EPOR: variants seen among roughly 807,000 people sequenced by gnomAD.
EPOR encodes erythropoietin receptor.
Under a neutral mutation model 34.3 loss-of-function variants are expected in EPOR, and 20 were observed. The ratio of observed to expected loss-of-function variants is 0.58; its 90% CI spans 0.41 to 0.85. The LOEUF (loss-of-function observed/expected upper bound fraction) is 0.85, where lower values mean the gene tolerates loss of function less well. Ranked by LOEUF, EPOR falls within the 40% of genes least tolerant of loss-of-function variation. The probability of loss-of-function intolerance (pLI) is 0.00; values close to 1 mark genes in which losing one functional copy is unlikely to be tolerated. For missense variants in EPOR, 601 were observed against 672.7 expected, an observed-to-expected ratio of 0.89 and a Z score of 1.18; for synonymous variants, 312 against 299.0, an observed-to-expected ratio of 1.04 and a Z score of -0.45.
chr19:11,381,968 G>A lies in EPOR; in HGVS notation c.389C>T (p.Ala130Val). Residue 130 changes from alanine to valine, a missense_variant, in exon 3 of 8, where the codon GCT (alanine) becomes GTT (valine). By Grantham distance (64) the Ala-to-Val change is moderately conservative (BLOSUM62 0). Coordinates refer to ENST00000222139, the MANE Select transcript of EPOR (RefSeq NM_000121.4). The surrounding 1 kb of genome is among the most constrained non-coding windows in gnomAD (Gnocchi z 5.3). ...GTGGATGACACGGTGATATCGCGGA[G>A]CGCCGGAGGCTGCTGTGACGCGCAA... ...LELRVTAASGAPRYHRVIHIN... is the reference protein window; with the variant it reads ...LELRVTAASGVPRYHRVIHIN... 1 of 1,614,230 alleles carries A rather than the reference G, an allele frequency of 6.2e-7. No homozygotes were observed. The highest frequency in any genetic ancestry group is 8.5e-7 in the Non-Finnish European group (1 of 1,180,034).
Position 11,377,955 on chromosome 19 carries a change from G to A in EPOR, c.*29C>T, listed in dbSNP as rs367583626. ...CTGCACTGGTTCTCTGAGTCATATT[G>A]GATCCCTGATCATCTGCAGCCTGGT... is the stretch of plus-strand genomic sequence containing the variant. On this transcript the variant is annotated 3_prime_UTR_variant, in exon 8 of 8. Coordinates refer to ENST00000222139, the MANE Select transcript of EPOR (RefSeq NM_000121.4). 1 of 1,613,300 alleles carries A rather than the reference G, an allele frequency of 6.2e-7. No individual in the cohort carries two copies. Among genetic ancestry groups the A allele is most frequent in the Non-Finnish European group, 8.5e-7 (1 of 1,179,886 alleles).
rs772172210 is a variant in EPOR at position 11,377,377 on chromosome 19, A to G, written c.*607T>C. 2.2e-6 allele frequency: 1 copy of G among 454,000 alleles called. No homozygotes were observed. The allele number at this position is 454,000 out of a possible 1,614,324, so 28.1% of individuals were successfully genotyped here. ...GGTGTGAGAAGAAGAGAGGAAGCCC[A>G]TTTCCAGGCCAGATCCCTCAAATGG... On this transcript the variant is annotated 3_prime_UTR_variant, in exon 8 of 8. Coordinates refer to ENST00000222139, the MANE Select transcript of EPOR (RefSeq NM_000121.4).
In EPOR at chr19:11,381,229, G is replaced by C. The variant is rs555443205; in HGVS notation, c.586-20C>G. The C allele has an allele frequency of 1.5e-4, 235 of 1,548,822 alleles. 2 individuals carry two copies. In the South Asian group the frequency reaches 2.5e-3, roughly 16 times the overall value. On this transcript the variant is annotated intron_variant, in intron 4 of 7. Transcript: ENST00000222139. This position sits in a 1 kb window ranked among gnomAD's most constrained non-coding sequence, Gnocchi z 5.3. ...CTCCACCTGGGGGCGGAATCAGGGC[G>C]AGGGACGCGTAGCAGACAAAAATAG...
Position 11,384,134 on chromosome 19 carries a change from G to T in EPOR, c.74C>A (p.Ala25Glu). Residue 25 changes from alanine (A) to glutamate (E), a missense_variant, in exon 1 of 8, where the codon GCG (alanine) becomes GAG (glutamate). Physicochemically the swap from Ala to Glu is moderately radical, Grantham distance 107. Transcript: ENST00000222139. ...LCLLLAGAAW[A>E]PPPNLPDPKF... ...GGGGTCCGGGAGGTTAGGCGGGGGCGCCCAGGCGGCCCCAGCGAGCAGGAG... is the reference window on the plus strand; with the variant it reads ...GGGGTCCGGGAGGTTAGGCGGGGGCTCCCAGGCGGCCCCAGCGAGCAGGAG... 6.5e-7 allele frequency: 1 copy of T among 1,549,882 alleles called. No individual in the cohort carries two copies. Among genetic ancestry groups the T allele is most frequent in the East Asian group, 2.4e-5 (1 of 40,910 alleles).
chr19:11,384,197 A>C lies in EPOR; in HGVS notation c.11T>G (p.Leu4Arg). 6.5e-7 allele frequency: 1 copy of C among 1,544,740 alleles called. No individual in the cohort carries two copies. The highest frequency in any genetic ancestry group is 8.7e-7 in the Non-Finnish European group (1 of 1,145,390). The change falls in exon 1 of 8, where the codon CTC (leucine) becomes CGC (arginine). Residue 4 changes from leucine (L) to arginine (R), a missense_variant. Physicochemically the swap from Leu to Arg is moderately radical, Grantham distance 102. Coordinates refer to ENST00000222139, the MANE Select transcript of EPOR (RefSeq NM_000121.4). ...GACCTGGGGCCAGAGGGACGCCCCG[A>C]GGTGGTCCATGATACAGCCCCCGCC... is the stretch of plus-strand genomic sequence containing the variant. The part of the protein sequence containing the change: MDH[L>R]GASLWPQVGS...
In EPOR at chr19:11,381,856, G is replaced by A. The variant is rs1401366335; in HGVS notation, c.428-7C>T. On this transcript the variant is annotated splice_region_variant and splice_polypyrimidine_tract_variant and intron_variant, in intron 3 of 7. Coordinates refer to ENST00000222139, the MANE Select transcript of EPOR (RefSeq NM_000121.4). This position sits in a 1 kb window ranked among gnomAD's most constrained non-coding sequence, Gnocchi z 5.3. ...ACGGGGGCGTCTAGGAGCACTGCAG[G>A]CATGGGGGTTGGTCAGGTGGGCGAG... is the stretch of plus-strand genomic sequence containing the variant. The A allele has an allele frequency of 1.9e-6, 3 of 1,614,042 alleles. No individual in the cohort carries two copies. Among genetic ancestry groups the A allele is most frequent in the Non-Finnish European group, 2.5e-6 (3 of 1,179,996 alleles).
rs1456110150 is a variant in EPOR at position 11,384,257 on chromosome 19, C to A, written c.-50G>T. On this transcript the variant is annotated 5_prime_UTR_variant, in exon 1 of 8. Coordinates refer to ENST00000222139, the MANE Select transcript of EPOR (RefSeq NM_000121.4). ...CCAGGGCTCCTGCCCCTCCGTCCCC[C>A]GCCCCCGGCACAGTCCACAGCTGGG... is the stretch of plus-strand genomic sequence containing the variant. The A allele has an allele frequency of 3.2e-6, 4 of 1,265,192 alleles. No homozygotes were observed. The highest frequency in any genetic ancestry group is 4.4e-6 in the Non-Finnish European group (4 of 899,026). 78.4% of individuals were successfully genotyped at this position (1,265,192 alleles called of 1,614,324 possible).
In EPOR at chr19:11,384,253, C is replaced by T; in HGVS notation, c.-46G>A. ...GAGCCCAGGGCTCCTGCCCCTCCGT[C>T]CCCCGCCCCCGGCACAGTCCACAGC... On this transcript the variant is annotated 5_prime_UTR_variant, in exon 1 of 8. Transcript: ENST00000222139. 2 of 1,280,380 alleles carry T rather than the reference C, an allele frequency of 1.6e-6. No homozygotes were observed. The highest frequency in any genetic ancestry group is 2.5e-5 in the South Asian group (2 of 78,610). The allele number at this position is 1,280,380 out of a possible 1,614,324, so 79.3% of individuals were successfully genotyped here. A position where few individuals can be genotyped will look rare whatever the true frequency, so the allele number is the denominator to read the frequency against.
Position 11,381,584 on chromosome 19 carries a change from G to A in EPOR, c.585+108C>T, listed in dbSNP as rs1968359300. On this transcript the variant is annotated intron_variant, in intron 4 of 7. Coordinates refer to ENST00000222139, the MANE Select transcript of EPOR (RefSeq NM_000121.4). This position sits in a 1 kb window ranked among gnomAD's most constrained non-coding sequence, Gnocchi z 5.3. ...TTCAGCACCAGGGTAATGGGATGTG[G>A]GATGTTACGGACCGGCCCTGAAAGC... 8.7e-7 allele frequency: 1 copy of A among 1,143,374 alleles called. No homozygotes were observed. The allele number at this position is 1,143,374 out of a possible 1,614,324, so 70.8% of individuals were successfully genotyped here. A position where few individuals can be genotyped will look rare whatever the true frequency, so the allele number is the denominator to read the frequency against.
Position 11,384,219 on chromosome 19 carries a change from C to T in EPOR, c.-12G>A, listed in dbSNP as rs1332089837. On this transcript the variant is annotated 5_prime_UTR_variant, in exon 1 of 8. Transcript: ENST00000222139. ...CCGAGGTGGTCCATGATACAGCCCCCGCCACGGGGAGCCCAGGGCTCCTGC... is the reference window on the plus strand; with the variant it reads ...CCGAGGTGGTCCATGATACAGCCCCTGCCACGGGGAGCCCAGGGCTCCTGC... The T allele has an allele frequency of 2.6e-6, 4 of 1,515,242 alleles. No homozygotes were observed. In the African/African-American group the frequency reaches 5.5e-5, roughly 21 times the overall value. The allele number at this position is 1,515,242 out of a possible 1,614,324, so 93.9% of individuals were successfully genotyped here.
rs772835927 is a variant in EPOR at position 11,381,137 on chromosome 19, C to G, written c.658G>C (p.Val220Leu). The change falls in exon 5 of 8, where the codon GTC becomes CTC. Residue 220 changes from valine (V) to leucine (L), a missense_variant. Physicochemically the swap from Val to Leu is conservative, Grantham distance 32. Transcript: ENST00000222139. This position sits in a 1 kb window ranked among gnomAD's most constrained non-coding sequence, Gnocchi z 5.3. The stretch of plus-strand genomic sequence containing the variant: ...CTCGGCTCAGCCATACGCGCGCGGA[C>G]GGCGAAGGTGTAGCGCGTCCGGCCC... ...LRGRTRYTFA[V>L]RARMAEPSFG... The G allele has an allele frequency of 1.3e-6, 2 of 1,567,814 alleles. No homozygotes were observed. The highest frequency in any genetic ancestry group is 1.9e-5 in the Admixed American group (1 of 53,500).
At position 11,382,013 on chromosome 19, in the gene EPOR, G is replaced by A; in HGVS notation, c.344C>T (p.Ser115Leu). 6.2e-7 allele frequency: 1 copy of A among 1,614,218 alleles called. No homozygotes were observed. Among genetic ancestry groups the A allele is most frequent in the Non-Finnish European group, 8.5e-7 (1 of 1,180,040 alleles). Residue 115 changes from serine to leucine, a missense_variant, in exon 3 of 8, where the codon TCG (serine) becomes TTG (leucine). By Grantham distance (145) the Ser-to-Leu change is moderately radical. Coordinates refer to ENST00000222139, the MANE Select transcript of EPOR (RefSeq NM_000121.4). ...FWCSLPTADT[S>L]SFVPLELRVT... ...GCGCAACTCTAGGGGCACGAAGCTC[G>A]ACGTGTCGGCTGTAGGCAGCGAACA...
Position 11,378,712 on chromosome 19 carries a change from G to A in EPOR, c.894C>T (p.Thr298=). 6.2e-7 allele frequency: 1 copy of A among 1,614,224 alleles called. No homozygotes were observed. Among genetic ancestry groups the A allele is most frequent in the Non-Finnish European group, 8.5e-7 (1 of 1,180,036 alleles). ...CTACCTGGAAGTTACCCTTGTGGGT[G>A]GTGAAGAGGCCTTCAAACTCGCTCT... is the stretch of plus-strand genomic sequence containing the variant. ...SPESEFEGLF[T]THKGNFQLWL... is the part of the protein sequence containing the mutation. The change falls in exon 7 of 8, where the codon ACC becomes ACT. Residue 298 remains threonine (T), a synonymous_variant. Transcript: ENST00000222139. This position sits in a 1 kb window ranked among gnomAD's most constrained non-coding sequence, Gnocchi z 5.3.
intron 6 of EPOR, among the ~76,000 whole-genome samples, 155 bp downstream of exon 6, chr19:11,380,729 C>G (rs1400743956): frequency 6.6e-6 from 1 of 152,204 alleles, no homozygotes; most frequent in Non-Finnish European, 1.5e-5. Flanking sequence ...GAGTCTGGGT[C>G]TAGTCTGGCA....
chr19:11,381,621 C>T lies in EPOR; in HGVS notation c.585+71G>A, dbSNP rs2144697888. On this transcript the variant is annotated intron_variant, in intron 4 of 7. Coordinates refer to ENST00000222139, the MANE Select transcript of EPOR (RefSeq NM_000121.4). This position sits in a 1 kb window ranked among gnomAD's most constrained non-coding sequence, Gnocchi z 5.3. ...CCGGCCCTGAAAGCGGCACCGGGCG[C>T]GACCTCGAGAGGCGTGGCTGGGCCG... is the stretch of plus-strand genomic sequence containing the variant. 6.6e-7 allele frequency: 1 copy of T among 1,508,234 alleles called. No homozygotes were observed. Among genetic ancestry groups the T allele is most frequent in the Non-Finnish European group, 9.0e-7 (1 of 1,115,538 alleles). 93.4% of individuals were successfully genotyped at this position (1,508,234 alleles called of 1,614,324 possible).
intron 2 of EPOR, 157 bp downstream of exon 2, chr19:11,382,940 C>A: frequency 6.5e-7 from 1 of 1,547,490 alleles, no homozygotes; most frequent in Non-Finnish European, 8.7e-7. Flanking sequence ...CCATAGAGGG[C>A]GTGCCAGCCC....
In EPOR at chr19:11,383,518, T is replaced by G; in HGVS notation, c.116-286A>C. The G allele has an allele frequency of 2.8e-6, 1 of 361,218 alleles. No individual in the cohort carries two copies. The highest frequency in any genetic ancestry group is 5.0e-5 in the East Asian group (1 of 20,096). 22.4% of individuals were successfully genotyped at this position (361,218 alleles called of 1,614,324 possible). ...GCGTTCAAGACCTCGAGCTCGGGACTGCCAGCCCCGCCCCAGCCTAGGACA... is the reference window on the plus strand; with the variant it reads ...GCGTTCAAGACCTCGAGCTCGGGACGGCCAGCCCCGCCCCAGCCTAGGACA... On this transcript the variant is annotated intron_variant, in intron 1 of 7. Coordinates refer to ENST00000222139, the MANE Select transcript of EPOR (RefSeq NM_000121.4). This position sits in a 1 kb window ranked among gnomAD's most constrained non-coding sequence, Gnocchi z 4.9.
Position 11,378,544 on chromosome 19 carries a change from A to C in EPOR, c.967T>G (p.Phe323Val), listed in dbSNP as rs762813124. The change falls in exon 8 of 8, where the codon TTC (phenylalanine) becomes GTC (valine). Residue 323 changes from phenylalanine (F) to valine (V), a missense_variant. Coordinates refer to ENST00000222139, the MANE Select transcript of EPOR (RefSeq NM_000121.4). The surrounding 1 kb of genome is among the most constrained non-coding windows in gnomAD (Gnocchi z 5.3). Reference protein sequence around the residue: ...GCLWWSPCTPFTEDPPASLEV... With the variant: ...GCLWWSPCTPVTEDPPASLEV... ...AGGGAAGCAGGTGGGTCCTCCGTGAAGGGGGTGCAGGGGCTCCACCACAGG... is the reference window on the plus strand; with the variant it reads ...AGGGAAGCAGGTGGGTCCTCCGTGACGGGGGTGCAGGGGCTCCACCACAGG... 2.5e-6 allele frequency: 4 copies of C among 1,614,128 alleles called. No homozygotes were observed. The highest frequency in any genetic ancestry group is 3.4e-6 in the Non-Finnish European group (4 of 1,180,000).
In EPOR at chr19:11,381,395, C is replaced by G. The variant is rs572245157; in HGVS notation, c.586-186G>C. Reference sequence around the variant, plus strand: ...CCAATCAGAGAGAGAGTCTCTGGTACGAAAGGGCGGGACCCGGGCAATTTA... The same window carrying G: ...CCAATCAGAGAGAGAGTCTCTGGTAGGAAAGGGCGGGACCCGGGCAATTTA... On this transcript the variant is annotated intron_variant, in intron 4 of 7. Transcript: ENST00000222139. The surrounding 1 kb of genome is among the most constrained non-coding windows in gnomAD (Gnocchi z 5.3). The G allele has an allele frequency of 4.9e-4, 357 of 727,428 alleles. 3 individuals carry two copies. In the South Asian group the frequency reaches 5.6e-3, roughly 11 times the overall value. 45.1% of individuals were successfully genotyped at this position (727,428 alleles called of 1,614,324 possible). A position where few individuals can be genotyped will look rare whatever the true frequency, so the allele number is the denominator to read the frequency against.
Sources: gnomAD v4.1 joint callset for allele counts (sites outside exome capture counted in the v4.1 genomes callset) on GRCh38, gnomAD v4.1.1 for gene constraint, Gnocchi (gnomAD v3.1) non-coding constraint, MANE v1.5 for transcripts, NCBI Gene and HGNC (gene_info 2026-07-23, HGNC 2026-07-21) for gene names.